Variants in ABCA13 observed in about 807,000 individuals in gnomAD.
The protein encoded by ABCA13 is ATP-binding cassette sub-family A member 13.
A neutral mutation model predicts 478.7 loss-of-function variants in ABCA13; 476 were observed. That is an observed-to-expected ratio of 0.99 (90% confidence interval 0.92 to 1.07). The LOEUF is 1.07. Ranked by LOEUF, ABCA13 falls within the 50% of genes least tolerant of loss-of-function variation. The pLI, the probability that ABCA13 is intolerant of heterozygous loss-of-function variation, is 0.00. For missense variants in ABCA13, 6,060 were observed against 5,910.6 expected (o/e 1.03, Z -0.83); for synonymous variants, 2,252 against 2,158.9 (o/e 1.04, Z -1.20).
At chr7:48,221,002 G>C (rs930910869) in intron 4 of ABCA13, among the ~76,000 whole-genome samples, 5 of 151,904 alleles carry the variant, frequency 3.3e-5, no homozygotes, top group Admixed American at 6.6e-5. Context: ...AGTGAAATTA[G>C]ATACTAATTA....
chr7:48,285,933 CAAAT>C (rs1331227063), intron 19 of ABCA13, among the ~76,000 whole-genome samples: 4 of 152,164 alleles, frequency 2.6e-5, no homozygotes, highest in Non-Finnish European at 4.4e-5. Flanking sequence ...AAAAGAAAAA[CAAAT>C]AAGGCATCAA....
At chr7:48,204,013 T>C (rs1270848223) in intron 3 of ABCA13, among the ~76,000 whole-genome samples, 2 of 152,208 alleles carry the variant, frequency 1.3e-5, no homozygotes, top group East Asian at 3.9e-4. Context: ...TCTGCCTCTT[T>C]TCCAACCACC....
intron 55 of ABCA13, among the ~76,000 whole-genome samples, chr7:48,544,992 A>AT (rs1784692241): frequency 6.6e-6 from 1 of 151,978 alleles, no homozygotes; most frequent in South Asian, 2.1e-4. Flanking sequence ...ATCCCCACAC[A>AT]TTTGGTCACA....
chr7:48,202,384 A>G (rs1274132202), intron 3 of ABCA13, among the ~76,000 whole-genome samples: 1 of 152,088 alleles, frequency 6.6e-6, no homozygotes. Flanking sequence ...AGGCCCCAGG[A>G]GAGGAGCTAG....
At chr7:48,516,664 T>C (rs1832139250) in intron 51 of ABCA13, 61 bp from the exon 52 acceptor site, 7 of 1,532,396 alleles carry the variant, frequency 4.6e-6, no homozygotes, top group Non-Finnish European at 6.3e-6. Flanking sequence ...GTATCTGCCA[T>C]AGATAAAACT....
chr7:48,222,039 A>C (rs1787435428), intron 5 of ABCA13, among the ~76,000 whole-genome samples: 1 of 152,254 alleles, frequency 6.6e-6, no homozygotes, highest in Non-Finnish European at 1.5e-5. Flanking sequence ...TCTAAGAAAG[A>C]TTTAGACAGC....
chr7:48,395,280 G>A (rs980789499), intron 38 of ABCA13, among the ~76,000 whole-genome samples: 1 of 152,142 alleles, frequency 6.6e-6, no homozygotes, highest in Non-Finnish European at 1.5e-5. Flanking sequence ...CAAGTCGCAG[G>A]GAGAGCTGGG....
chr7:48,339,750 C>A (rs913211703), intron 29 of ABCA13, among the ~76,000 whole-genome samples: 1 of 152,140 alleles, frequency 6.6e-6, no homozygotes, highest in Non-Finnish European at 1.5e-5. Flanking sequence ...TTTCTGCTTC[C>A]GCCTGACGCT....
chr7:48,490,977 A>T (rs963510073), intron 48 of ABCA13, among the ~76,000 whole-genome samples: 1 of 152,192 alleles, frequency 6.6e-6, no homozygotes, highest in Admixed American at 6.5e-5. Context: ...AGAGGAAAAA[A>T]ATGATAAATT....
chr7:48,214,418 C>T (rs1786133182), intron 3 of ABCA13, among the ~76,000 whole-genome samples: 4 of 152,198 alleles, frequency 2.6e-5, no homozygotes. Context: ...TAGCCCCTAA[C>T]AAGAGAGTCA....
At chr7:48,337,244 A>T (rs1806410003) in intron 28 of ABCA13, among the ~76,000 whole-genome samples, 1 of 152,194 alleles carries the variant, frequency 6.6e-6, no homozygotes, top group Admixed American at 6.5e-5. Flanking sequence ...CTCTGAGGAA[A>T]GCCCTAACTT....
intron 36 of ABCA13, among the ~76,000 whole-genome samples, chr7:48,388,204 C>T (rs1815484400): frequency 6.6e-6 from 1 of 152,076 alleles, no homozygotes; most frequent in Admixed American, 6.6e-5. Context: ...ATTTAGCGTC[C>T]TCCCCTCTGT....
chr7:48,597,985 C>G (rs756294171), intron 58 of ABCA13, among the ~76,000 whole-genome samples: 8 of 152,134 alleles, frequency 5.3e-5, no homozygotes, highest in Non-Finnish European at 7.3e-5. Flanking sequence ...ATAGGGTTCT[C>G]TCTTGATGTT....
intron 52 of ABCA13, among the ~76,000 whole-genome samples, chr7:48,517,607 C>T (rs1043775248): frequency 7.9e-5 from 12 of 152,134 alleles, no homozygotes; most frequent in African/African-American, 2.9e-4. Context: ...GTGAGGCCTG[C>T]CTGGGTGTTT....
intron 45 of ABCA13, among the ~76,000 whole-genome samples, chr7:48,478,293 T>TCATATA (rs1554531472): frequency 1.5e-5 from 2 of 132,854 alleles, no homozygotes; most frequent in Non-Finnish European, 3.2e-5. Flanking sequence ...ATATATCATT[T>TCATATA]TATATATATA....
At chr7:48,612,176 G>A (rs1247897563) in intron 58 of ABCA13, 3 of 152,114 alleles carry the variant, frequency 2.0e-5, no homozygotes, top group Non-Finnish European at 4.4e-5. Context: ...CCTAGCTCAA[G>A]GGAAGTGGAG....
intron 23 of ABCA13, among the ~76,000 whole-genome samples, chr7:48,303,429 G>T (rs1483458094): frequency 6.6e-6 from 1 of 152,124 alleles, no homozygotes; most frequent in Non-Finnish European, 1.5e-5. Flanking sequence ...GTCCAGAATA[G>T]TATTACCTAG....
intron 3 of ABCA13, among the ~76,000 whole-genome samples, chr7:48,201,233 T>C (rs570789083): frequency 2.0e-5 from 3 of 152,362 alleles, no homozygotes; most frequent in African/African-American, 7.2e-5. Flanking sequence ...GTGTCTAAAC[T>C]ACTTAAGATC....
rs756298032 is a variant in ABCA13 at position 48,219,417 on chromosome 7, G to A, written c.351G>A (p.Glu117=). 4.2e-5 allele frequency: 68 copies of A among 1,613,152 alleles called. No homozygotes were observed. The East Asian group carries it at 4.5e-4, about 11-fold the overall frequency. The stretch of plus-strand genomic sequence containing the variant: ...TCAACAACCTGGCCTTTTTAAAAGA[G>A]ATACAAGACCTGGCAGAGGAAATTC... ...KKVNNLAFLK[E]IQDLAEEIHG... The change falls in exon 4 of 62, where the codon GAG becomes GAA. Residue 117 remains glutamate (E), a synonymous_variant. Coordinates refer to ENST00000435803, the MANE Select transcript of ABCA13 (RefSeq NM_152701.5).
Sources: allele counts gnomAD v4.1 joint callset (sites outside exome capture counted in the v4.1 genomes callset), GRCh38; gene constraint gnomAD v4.1.1; transcripts MANE v1.5; gene names NCBI Gene and HGNC (gene_info 2026-07-23, HGNC 2026-07-21).